The following MRAP variants were observed in gnomAD, a reference collection of about 807,000 sequenced individuals.
The protein encoded by MRAP is melanocortin-2 receptor accessory protein.
MRAP carries 8 observed loss-of-function variants against 8.7 expected under a neutral mutation model. That is an observed-to-expected ratio of 0.92 (90% CI 0.54 to 1.66). The LOEUF is 1.66. Ranked by LOEUF, MRAP falls within the 40% of genes most tolerant of loss-of-function variation. The pLI is 0.00. For synonymous variants in MRAP, 95 were observed against 95.5 expected (o/e 1.00, Z 0.03); for missense variants, 237 against 217.1 (o/e 1.09, Z -0.58).
At chr21:32,297,744 T>C (rs533624027), upstream of MRAP, among the ~76,000 whole-genome samples, 36 of 152,358 alleles carry the variant, frequency 2.4e-4, no homozygotes, top group African/African-American at 8.4e-4. Context: ...GTCAGAAATG[T>C]ACGGTGTAGC....
intron 1 of MRAP, among the ~76,000 whole-genome samples, chr21:32,305,843 A>G (rs1202006196): frequency 1.3e-5 from 2 of 151,726 alleles, no homozygotes; most frequent in African/African-American, 4.8e-5. Context: ...GTAGTTCCAT[A>G]GCAACTGGCC....
rs1379232659 is a variant in MRAP at position 32,302,978 on chromosome 21, C to CTT, written c.107-3662_107-3661insTT. On this transcript the variant is annotated intron_variant, in intron 1 of 2. Coordinates refer to ENST00000303645, the MANE Select transcript of MRAP (RefSeq NM_001379228.1). ...ACAGTAGTAACCTATGCCCCAATTC[C>CTT]CTTTTTTTTTTTTTTTTTTGAGATG... 5.1e-4 allele frequency among the ~76,000 whole-genome samples: 29 copies of CTT among 56,864 alleles called. No homozygotes were observed. In the Admixed American group the frequency reaches 5.9e-3, roughly 12 times the overall value. The allele number at this position is 56,864 out of a possible 152,430, so 37.3% of individuals were successfully genotyped here.
At chr21:32,309,692 T>C (rs541540112) in intron 2 of MRAP, among the ~76,000 whole-genome samples, 38 of 149,666 alleles carry the variant, frequency 2.5e-4, no homozygotes, top group African/African-American at 9.1e-4. Flanking sequence ...CCTGTAATCC[T>C]AGCACTTTGA....
chr21:32,299,325 ATTTTTTACTT>A (rs2032204838), intron 1 of MRAP, among the ~76,000 whole-genome samples: 2 of 152,044 alleles, frequency 1.3e-5, no homozygotes, highest in Admixed American at 6.6e-5. Flanking sequence ...CAGAATTTTT[ATTTTTTACTT>A]TATTTTATTT....
chr21:32,310,164 G>C (rs1379437112), intron 2 of MRAP, among the ~76,000 whole-genome samples: 1 of 152,170 alleles, frequency 6.6e-6, no homozygotes, highest in Non-Finnish European at 1.5e-5. Flanking sequence ...AGGCCTTCTG[G>C]GCTATTTCAC....
At chr21:32,292,672 G>A (rs960920988) in intron 1 of MRAP, among the ~76,000 whole-genome samples, 1 of 151,874 alleles carries the variant, frequency 6.6e-6, no homozygotes, top group South Asian at 2.1e-4. Flanking sequence ...GGCCAGGCTG[G>A]TCTCGAACTC....
At chr21:32,314,754 C>A, downstream of MRAP, 1 of 1,431,988 alleles carries the variant, frequency 7.0e-7, no homozygotes, top group South Asian at 1.2e-5. Flanking sequence ...CTGGGCAGTT[C>A]AATAAAGTCC....
At chr21:32,294,109 T>C (rs2032097834), upstream of MRAP, among the ~76,000 whole-genome samples, 1 of 152,160 alleles carries the variant, frequency 6.6e-6, no homozygotes. Context: ...ACTGGTTTTG[T>C]TTTTTGTTGT....
upstream of MRAP, among the ~76,000 whole-genome samples, chr21:32,295,518 T>C (rs758446955): frequency 1.3e-5 from 2 of 152,148 alleles, no homozygotes; most frequent in African/African-American, 2.4e-5. Context: ...TTTAGAGAGA[T>C]AGTTAACAAC....
At position 32,311,855 on chromosome 21, in the gene MRAP, G is replaced by C. The variant is rs1402633111; in HGVS notation, c.378G>C (p.Glu126Asp). 1 of 1,614,130 alleles carries C rather than the reference G, an allele frequency of 6.2e-7. No homozygotes were observed. The highest frequency in any genetic ancestry group is 1.3e-5 in the African/African-American group (1 of 75,056). The change falls in exon 3 of 3, where the codon GAG (glutamate) becomes GAC (aspartate). Residue 126 changes from glutamate to aspartate, a missense_variant. Glu to Asp is a conservative substitution (Grantham distance 45). Coordinates refer to ENST00000303645, the MANE Select transcript of MRAP (RefSeq NM_001379228.1). ...GCCCTGACCAGCCGCTACGACAGGA[G>C]AGCTCCTCCACCTTGCCCCTCGGGG... ...RTGPDQPLRQ[E>D]SSSTLPLGGF...
At chr21:32,314,105 T>A (rs896613291), downstream of MRAP, 2 of 163,268 alleles carry the variant, frequency 1.2e-5, no homozygotes, top group Non-Finnish European at 2.7e-5. Flanking sequence ...TTTAATAAAA[T>A]AATTAAACAC....
chr21:32,311,373 A>C, intron 2 of MRAP: 1 of 410,340 alleles, frequency 2.4e-6, no homozygotes, highest in Non-Finnish European at 4.4e-6. Flanking sequence ...ACACTCAGAT[A>C]CAGCGCTGGA....
At chr21:32,312,788 C>T (rs562070883), downstream of MRAP, 1 of 152,382 alleles carries the variant, frequency 6.6e-6, no homozygotes, top group African/African-American at 2.4e-5. Flanking sequence ...CATATGTCCC[C>T]TACAGCTTTC....
upstream of MRAP, among the ~76,000 whole-genome samples, chr21:32,297,152 G>A (rs116714408): frequency 0.015 from 2,293 of 152,236 alleles, 60 homozygotes; most frequent in African/African-American, 0.051. Flanking sequence ...CTGAGTAATG[G>A]GGTAAGAGAA....
downstream of MRAP, chr21:32,313,022 G>A (rs2032616728): frequency 2.0e-5 from 3 of 152,274 alleles, no homozygotes; most frequent in Non-Finnish European, 2.9e-5. Flanking sequence ...AAGCAAGACT[G>A]ATGAGCTCCA....
intron 1 of MRAP, among the ~76,000 whole-genome samples, chr21:32,301,013 T>C (rs1482307509): frequency 6.7e-6 from 1 of 149,196 alleles, no homozygotes; most frequent in Non-Finnish European, 1.5e-5. Flanking sequence ...TGATGATATA[T>C]CGCATATGTA....
intron 1 of MRAP, among the ~76,000 whole-genome samples, chr21:32,304,965 G>GTTGT (rs2032376060): frequency 1.3e-5 from 1 of 78,128 alleles, no homozygotes; most frequent in Admixed American, 1.5e-4. Context: ...TTTTTTTGTT[G>GTTGT]TTTTTTTTTT....
upstream of MRAP, among the ~76,000 whole-genome samples, chr21:32,295,705 G>A (rs2032127201): frequency 6.6e-6 from 1 of 152,154 alleles, no homozygotes; most frequent in Non-Finnish European, 1.5e-5. Flanking sequence ...GCCAGGAGTG[G>A]TGGTTCATGC....
intron 1 of MRAP, 58 bp downstream of exon 1, chr21:32,299,135 C>A: frequency 7.5e-7 from 1 of 1,341,876 alleles, no homozygotes; most frequent in Non-Finnish European, 1.1e-6. Flanking sequence ...GCCCAAATGA[C>A]TGGGCACTCC....
Sources: gnomAD v4.1 joint callset for allele counts (sites outside exome capture counted in the v4.1 genomes callset) on GRCh38, gnomAD v4.1.1 for gene constraint, MANE v1.5 for transcripts, NCBI Gene and HGNC (gene_info 2026-07-23, HGNC 2026-07-21) for gene names.